ADAMTSL1: variants seen among roughly 807,000 people sequenced by gnomAD.
ADAMTSL1 encodes ADAMTS like 1.
In ADAMTSL1, 126 loss-of-function variants were observed where a neutral mutation model predicts 201.8. The ratio of observed to expected loss-of-function variants is 0.62; its 90% CI spans 0.54 to 0.72. ADAMTSL1 has a LOEUF of 0.72. Ranked by LOEUF, ADAMTSL1 falls within the 30% of genes least tolerant of loss-of-function variation. The pLI is 0.00. For synonymous variants in ADAMTSL1, 1,121 were observed against 903.4 expected, an observed-to-expected ratio of 1.24 and a Z score of -4.32; for missense variants, 2,679 against 2,277.8, an observed-to-expected ratio of 1.18 and a Z score of -3.59.
rs56112949 is a variant in ADAMTSL1 at position 18,894,345 on chromosome 9, C to CT, written c.4851+1765dup. 3.7e-3 allele frequency among the ~76,000 whole-genome samples: 461 copies of CT among 124,008 alleles called. 7 individuals are homozygous for CT. The highest frequency in any genetic ancestry group is 4.9e-3 in the African/African-American group (154 of 31,368). The allele number at this position is 124,008 out of a possible 152,430, so 81.4% of individuals were successfully genotyped here. A position where few individuals can be genotyped will look rare whatever the true frequency, so the allele number is the denominator to read the frequency against. ...CCTGGGTGACAGAGCAAAACCTTGT[C>CT]TTTTTTTTTTTTTTTTGAAAAAGGT... On this transcript the variant is annotated intron_variant, in intron 26 of 28. Coordinates refer to ENST00000380548, the MANE Select transcript of ADAMTSL1 (RefSeq NM_001040272.6).
At chr9:17,967,378 C>G (rs1293341368) in intron 1 of ADAMTSL1, among the ~76,000 whole-genome samples, 1 of 152,010 alleles carries the variant, frequency 6.6e-6, no homozygotes, top group Non-Finnish European at 1.5e-5. Context: ...GATTACTATT[C>G]TTATGTTCTT....
At chr9:18,158,384 T>A (rs1827246059) in intron 1 of ADAMTSL1, among the ~76,000 whole-genome samples, 1 of 151,964 alleles carries the variant, frequency 6.6e-6, no homozygotes, top group Non-Finnish European at 1.5e-5. Context: ...TTCAATTATT[T>A]CCCTATCTTG....
intron 15 of ADAMTSL1, among the ~76,000 whole-genome samples, chr9:18,730,229 A>G (rs928004153): frequency 3.3e-5 from 5 of 152,208 alleles, no homozygotes; most frequent in African/African-American, 1.2e-4. Context: ...TTTTCTATTG[A>G]CCTTATAGTT....
chr9:18,516,185 A>G (rs1362686060), intron 2 of ADAMTSL1, among the ~76,000 whole-genome samples: 1 of 152,164 alleles, frequency 6.6e-6, no homozygotes, highest in East Asian at 1.9e-4. Context: ...TAGAAAATAG[A>G]AAAGAGTTAT....
chr9:18,760,697 T>C (rs925821983), intron 16 of ADAMTSL1, among the ~76,000 whole-genome samples: 6 of 152,156 alleles, frequency 3.9e-5, no homozygotes, highest in Non-Finnish European at 7.3e-5. Context: ...CCTAATCTAA[T>C]GTCTCAGAAT....
chr9:18,512,854 A>T (rs1445790693), intron 2 of ADAMTSL1, among the ~76,000 whole-genome samples: 1 of 152,182 alleles, frequency 6.6e-6, no homozygotes, highest in East Asian at 1.9e-4. Flanking sequence ...AGACATTCAA[A>T]TGTTTAATAA....
chr9:18,182,179 C>G (rs1026373714), intron 2 of ADAMTSL1, among the ~76,000 whole-genome samples: 6 of 150,368 alleles, frequency 4.0e-5, no homozygotes, highest in Non-Finnish European at 8.8e-5. Context: ...GGGAGATATA[C>G]GTAATGCTAG....
intron 1 of ADAMTSL1, among the ~76,000 whole-genome samples, chr9:18,002,648 G>A (rs2131534856): frequency 6.6e-6 from 1 of 151,906 alleles, no homozygotes; most frequent in Non-Finnish European, 1.5e-5. Context: ...TGATAATAAT[G>A]TCAATCTTAT....
chr9:17,951,938 C>A (rs1827743744), intron 1 of ADAMTSL1, among the ~76,000 whole-genome samples: 1 of 151,840 alleles, frequency 6.6e-6, no homozygotes, highest in African/African-American at 2.4e-5. Context: ...GTAGCTGGGA[C>A]CACAGGCATG....
In ADAMTSL1 at chr9:18,635,976, G is replaced by C. The variant is rs1247819400; in HGVS notation, c.635G>C (p.Ser212Thr). 2.5e-6 allele frequency: 4 copies of C among 1,601,926 alleles called. No individual in the cohort carries two copies. Among genetic ancestry groups the C allele is most frequent in the Non-Finnish European group, 3.4e-6 (4 of 1,177,348 alleles). Residue 212 changes from serine to threonine, a missense_variant, in exon 6 of 29, where the codon AGT (serine) becomes ACT (threonine). Physicochemically the swap from Ser to Thr is moderately conservative, Grantham distance 58. Coordinates refer to ENST00000380548, the MANE Select transcript of ADAMTSL1 (RefSeq NM_001040272.6). ...ACTGTGGTTGCAATTCCCTATGGAA[G>C]TAGACATATTCGCCTTGTCTTAAAA... ...DDTVVAIPYGSRHIRLVLKGP... is the reference protein window; with the variant it reads ...DDTVVAIPYGTRHIRLVLKGP...
intron 1 of ADAMTSL1, among the ~76,000 whole-genome samples, chr9:18,024,970 T>G (rs1400470359): frequency 1.3e-5 from 2 of 152,138 alleles, no homozygotes; most frequent in Non-Finnish European, 2.9e-5. Context: ...TGACTGCTGT[T>G]AAGATGATAT....
chr9:18,072,634 A>G (rs1170201971), intron 1 of ADAMTSL1, among the ~76,000 whole-genome samples: 2 of 152,246 alleles, frequency 1.3e-5, no homozygotes, highest in African/African-American at 4.8e-5. Context: ...CAGGTTGATT[A>G]TCTGCATATC....
chr9:18,284,401 A>C (rs1462241725), intron 2 of ADAMTSL1, among the ~76,000 whole-genome samples: 1 of 152,166 alleles, frequency 6.6e-6, no homozygotes, highest in African/African-American at 2.4e-5. Context: ...TTCTACCATT[A>C]GAACTTTCCA....
intron 21 of ADAMTSL1, among the ~76,000 whole-genome samples, chr9:18,819,893 T>C (rs1824104986): frequency 6.6e-6 from 1 of 152,248 alleles, no homozygotes; most frequent in African/African-American, 2.4e-5. Flanking sequence ...TAGTCTCCAG[T>C]TAAAACACTG....
intron 1 of ADAMTSL1, among the ~76,000 whole-genome samples, chr9:18,033,786 A>G (rs147766775): frequency 9.1e-4 from 139 of 152,340 alleles, no homozygotes; most frequent in African/African-American, 3.2e-3. Context: ...GCCCTTGAGT[A>G]TACCCATTAA....
At chr9:18,138,332 T>G (rs981382196) in intron 1 of ADAMTSL1, among the ~76,000 whole-genome samples, 1 of 152,202 alleles carries the variant, frequency 6.6e-6, no homozygotes, top group African/African-American at 2.4e-5. Context: ...CATGTGTTTT[T>G]TCTAGATAGA....
chr9:18,585,685 T>G (rs1356936992), intron 4 of ADAMTSL1, among the ~76,000 whole-genome samples: 1 of 152,152 alleles, frequency 6.6e-6, no homozygotes, highest in African/African-American at 2.4e-5. Context: ...CCTTGATGAA[T>G]ATTGATGCAA....
At chr9:18,359,812 C>A (rs1252784531) in intron 2 of ADAMTSL1, among the ~76,000 whole-genome samples, 2 of 101,234 alleles carry the variant, frequency 2.0e-5, no homozygotes, top group Non-Finnish European at 2.0e-5. Context: ...GGGTTAATGC[C>A]CCACCTCCCC....
intron 1 of ADAMTSL1, among the ~76,000 whole-genome samples, chr9:18,088,434 G>A (rs1823861731): frequency 6.6e-6 from 1 of 151,996 alleles, no homozygotes; most frequent in Non-Finnish European, 1.5e-5. Context: ...GACAGCAAAG[G>A]AAACAATCAA....
Sources: allele counts gnomAD v4.1 joint callset (sites outside exome capture counted in the v4.1 genomes callset), GRCh38; gene constraint gnomAD v4.1.1; transcripts MANE v1.5; gene names NCBI Gene and HGNC (gene_info 2026-07-23, HGNC 2026-07-21).